Variants in KLF8 observed in about 807,000 individuals in gnomAD.
The protein encoded by KLF8 is KLF transcription factor 8.
In KLF8, 10 loss-of-function variants were observed where a neutral mutation model predicts 18.2. That is an observed-to-expected ratio of 0.55 (90% CI 0.34 to 0.93). The LOEUF (loss-of-function observed/expected upper bound fraction) is 0.93. KLF8 is among the 40% of genes least tolerant of loss of function. KLF8 has a pLI of 0.02. For missense variants in KLF8, 264 were observed against 277.9 expected (o/e 0.95, Z 0.36); for synonymous variants, 109 against 97.3 (o/e 1.12, Z -0.71).
chrX:56,067,956 C>T, the KLF8 span, among the ~76,000 whole-genome samples: 2 of 112,272 alleles, frequency 1.8e-5, no homozygotes, highest in Non-Finnish European at 3.8e-5. Context: ...TCTAGCCTAG[C>T]GGTCCTACTT....
the KLF8 span, among the ~76,000 whole-genome samples, chrX:56,075,806 T>C: frequency 8.9e-6 from 1 of 112,153 alleles, no homozygotes; most frequent in South Asian, 3.7e-4. Context: ...CTTAACATAA[T>C]GATCTCCAGT....
the KLF8 span, among the ~76,000 whole-genome samples, chrX:55,924,941 C>T: frequency 2.0e-5 from 2 of 100,269 alleles, no homozygotes; most frequent in South Asian, 5.1e-4. Context: ...TTGCAACCTC[C>T]GCCTCCCGGG....
the KLF8 span, among the ~76,000 whole-genome samples, chrX:56,052,853 AC>A: frequency 9.1e-6 from 1 of 110,121 alleles, no homozygotes; most frequent in East Asian, 2.9e-4. Context: ...AATGGCGGGC[AC>A]CCCTCCCCCA....
At chrX:56,197,074 A>G in the KLF8 span, among the ~76,000 whole-genome samples, 1 of 111,716 alleles carries the variant, frequency 9.0e-6, no homozygotes, top group South Asian at 3.7e-4. Context: ...GTACCAGAAT[A>G]TCAGGGACAC....
At chrX:56,202,559 T>TTCCCCCCC in the KLF8 span, among the ~76,000 whole-genome samples, 2 of 75,806 alleles carry the variant, frequency 2.6e-5, no homozygotes, top group Non-Finnish European at 2.6e-5. Flanking sequence ...CCATTAACCT[T>TTCCCCCCC]CCCCCCCCCT....
the KLF8 span, among the ~76,000 whole-genome samples, chrX:55,919,243 G>T: frequency 1.8e-5 from 2 of 111,889 alleles, no homozygotes; most frequent in Non-Finnish European, 3.8e-5. Context: ...AGATTAAGAG[G>T]GTGGATAGAA....
At chrX:56,078,135 C>A in the KLF8 span, among the ~76,000 whole-genome samples, 19 of 111,582 alleles carry the variant, frequency 1.7e-4, no homozygotes, top group Non-Finnish European at 3.4e-4. Context: ...CCCTTTATTT[C>A]CTTCTCCTGC....
chrX:55,974,002 C>G, the KLF8 span, among the ~76,000 whole-genome samples: 2 of 111,694 alleles, frequency 1.8e-5, no homozygotes, highest in Non-Finnish European at 3.8e-5. Flanking sequence ...AGTACACAGG[C>G]ATAAAATACA....
intron 1 of KLF8, among the ~76,000 whole-genome samples, chrX:56,234,787 C>CT: frequency 8.9e-6 from 1 of 112,372 alleles, no homozygotes. Flanking sequence ...TGGGGAAGCC[C>CT]TTGAGAGTTG....
chrX:56,177,864 A>C, the KLF8 span, among the ~76,000 whole-genome samples: 1 of 111,929 alleles, frequency 8.9e-6, no homozygotes, highest in Non-Finnish European at 1.9e-5. Context: ...TGTGCTAGCA[A>C]TGAGCAAGGA....
At chrX:56,177,360 C>T in the KLF8 span, among the ~76,000 whole-genome samples, 448 of 111,051 alleles carry the variant, frequency 4.0e-3, no homozygotes, top group African/African-American at 0.014. Context: ...AGTTTGCTGG[C>T]GGTCCACTTC....
At chrX:56,063,419 C>T in the KLF8 span, among the ~76,000 whole-genome samples, 2 of 111,848 alleles carry the variant, frequency 1.8e-5, no homozygotes, top group Non-Finnish European at 3.8e-5. Context: ...CTAACAGGCC[C>T]CTCTGCTGCA....
chrX:56,130,114 C>T, the KLF8 span, among the ~76,000 whole-genome samples: 5 of 110,662 alleles, frequency 4.5e-5, no homozygotes, highest in African/African-American at 9.9e-5. Context: ...TCTAAGGCCT[C>T]GCCCACCTCC....
intron 2 of KLF8, among the ~76,000 whole-genome samples, chrX:56,252,709 C>T (rs751881607): frequency 1.3e-4 from 15 of 112,169 alleles, no homozygotes; most frequent in Non-Finnish European, 2.4e-4. Context: ...CTTTGATATA[C>T]TGATTTCCTT....
upstream of KLF8, among the ~76,000 whole-genome samples, chrX:56,228,062 TC>T (rs1276086343): frequency 8.9e-6 from 1 of 112,097 alleles, no homozygotes; most frequent in Non-Finnish European, 1.9e-5. Context: ...CATTGGCCAT[TC>T]CTAAACCAAA....
chrX:56,174,009 G>C, the KLF8 span, among the ~76,000 whole-genome samples: 3 of 111,843 alleles, frequency 2.7e-5, no homozygotes, highest in African/African-American at 9.7e-5. Context: ...AGACGATGGG[G>C]TTTTCTAGAT....
At chrX:56,221,958 G>A in the KLF8 span, among the ~76,000 whole-genome samples, 9 of 111,356 alleles carry the variant, frequency 8.1e-5, no homozygotes, top group Non-Finnish European at 1.1e-4. Flanking sequence ...ACAGGGAGCC[G>A]ATTGGTCCGT....
chrX:56,277,761 T>C (rs2067142082), intron 5 of KLF8, among the ~76,000 whole-genome samples: 1 of 112,549 alleles, frequency 8.9e-6, no homozygotes, highest in Non-Finnish European at 1.9e-5. Flanking sequence ...CCTAGGCCCT[T>C]GGTAGGTCCA....
the KLF8 span, among the ~76,000 whole-genome samples, chrX:56,225,006 C>T: frequency 9.0e-6 from 1 of 110,793 alleles, no homozygotes. Flanking sequence ...TTTATAAGGA[C>T]ACTATTCTCA....
Sources: allele counts gnomAD v4.1 joint callset (sites outside exome capture counted in the v4.1 genomes callset), GRCh38; gene constraint gnomAD v4.1.1; transcripts MANE v1.5; gene names NCBI Gene and HGNC (gene_info 2026-07-23, HGNC 2026-07-21).